DAOA: variants seen among roughly 807,000 people sequenced by gnomAD.
DAOA encodes the protein D-amino acid oxidase regulator.
A neutral mutation model predicts 16.4 loss-of-function variants in DAOA; 15 were observed. That is an observed-to-expected ratio of 0.91 (90% confidence interval 0.61 to 1.41). The LOEUF (loss-of-function observed/expected upper bound fraction) is 1.41, where lower values mean the gene tolerates loss of function less well. Ranked by LOEUF, DAOA falls within the 40% of genes most tolerant of loss-of-function variation. DAOA has a pLI of 0.00. For missense variants in DAOA, 230 were observed against 176.8 expected (o/e 1.30, Z -1.71); for synonymous variants, 75 against 59.1 (o/e 1.27, Z -1.23).
chr13:105,490,899 T>C lies in DAOA; in HGVS notation c.*112-13T>C, dbSNP rs1878473273. The C allele has an allele frequency of 6.6e-6, 1 of 152,142 alleles. No homozygotes were observed. The highest frequency in any genetic ancestry group is 2.1e-4 in the South Asian group (1 of 4,828). The allele number at this position is 152,142 out of a possible 1,614,324, so 9.4% of individuals were successfully genotyped here. A position where few individuals can be genotyped will look rare whatever the true frequency, so the allele number is the denominator to read the frequency against. ...AAAGTTTTCTTATTATTGTTTTGTT[T>C]CCTTGTTTTTAGGTGATGGGATTGT... On this transcript the variant is annotated splice_polypyrimidine_tract_variant and intron_variant, in intron 5 of 5. Coordinates refer to ENST00000375936, the MANE Select transcript of DAOA (RefSeq NM_172370.5).
At position 105,472,564 on chromosome 13, in the gene DAOA, A is replaced by T. The variant is rs1220856473; in HGVS notation, c.160A>T (p.Thr54Ser). The change falls in exon 4 of 6, where the codon ACG (threonine) becomes TCG (serine). Residue 54 changes from threonine (T) to serine (S), a missense_variant. By Grantham distance (58) the Thr-to-Ser change is moderately conservative (BLOSUM62 1). Coordinates refer to ENST00000375936, the MANE Select transcript of DAOA (RefSeq NM_172370.5). ...AAAGGAGACAGAAGAAGGAAGAGAG[A>T]CGGTAACAAGGAAAGAAGGATGGAA... is the stretch of plus-strand genomic sequence containing the variant. ...IAKETEEGRE[T>S]VTRKEGWKRR... 3 of 1,613,922 alleles carry T rather than the reference A, an allele frequency of 1.9e-6. No individual in the cohort carries two copies. The African/African-American group carries it at 4.0e-5, about 22-fold the overall frequency.
At chr13:105,468,805 T>G (rs968598872) in intron 3 of DAOA, among the ~76,000 whole-genome samples, 1 of 152,318 alleles carries the variant, frequency 6.6e-6, no homozygotes, top group East Asian at 1.9e-4. Flanking sequence ...CCTTCAGAGA[T>G]TTGTCTCTGG....
intron 3 of DAOA, among the ~76,000 whole-genome samples, chr13:105,468,928 T>C (rs1193374693): frequency 6.6e-6 from 1 of 152,204 alleles, no homozygotes; most frequent in Non-Finnish European, 1.5e-5. Flanking sequence ...GCTAGTCTTG[T>C]TAGCTGTAAA....
intron 4 of DAOA, among the ~76,000 whole-genome samples, chr13:105,482,512 T>G (rs1015690335): frequency 2.6e-5 from 4 of 151,338 alleles, no homozygotes; most frequent in Non-Finnish European, 5.9e-5. Flanking sequence ...GTAAGTTTTT[T>G]TTTTTTTTTT....
chr13:105,489,330 C>A lies in DAOA; in HGVS notation c.282-571C>A, dbSNP rs1878346785. ...TGACCCTGCAAAAGATACTTAACCC[C>A]AGTGTTTCAGTTTCCTCACCTGAAA... On this transcript the variant is annotated intron_variant, in intron 4 of 5. Coordinates refer to ENST00000375936, the MANE Select transcript of DAOA (RefSeq NM_172370.5). Among the ~76,000 whole-genome samples, 3 of 152,134 alleles carry A rather than the reference C, an allele frequency of 2.0e-5. No individual in the cohort carries two copies. The South Asian group carries it at 6.2e-4, about 32-fold the overall frequency.
chr13:105,480,294 TG>T (rs1390232814), intron 4 of DAOA, among the ~76,000 whole-genome samples: 1 of 152,128 alleles, frequency 6.6e-6, no homozygotes, highest in Non-Finnish European at 1.5e-5. Flanking sequence ...TGAAATGAGC[TG>T]TGTGAACTAG....
At chr13:105,471,190 G>T (rs928901902) in intron 3 of DAOA, among the ~76,000 whole-genome samples, 16 of 152,298 alleles carry the variant, frequency 1.1e-4, no homozygotes, top group African/African-American at 3.9e-4. Flanking sequence ...CTCCCAAAGT[G>T]CTGGGATTAT....
At chr13:105,470,172 C>G (rs185048094) in intron 3 of DAOA, among the ~76,000 whole-genome samples, 4 of 148,702 alleles carry the variant, frequency 2.7e-5, no homozygotes, top group Admixed American at 1.3e-4. Flanking sequence ...ATATATCTAA[C>G]CAGAATAAAC....
At chr13:105,484,388 G>C (rs192686056) in intron 4 of DAOA, among the ~76,000 whole-genome samples, 38 of 152,062 alleles carry the variant, frequency 2.5e-4, no homozygotes, top group Middle Eastern at 3.4e-3. Flanking sequence ...GGGATTACAG[G>C]GAAGCTATAG....
At chr13:105,488,194 C>A (rs889624187) in intron 4 of DAOA, among the ~76,000 whole-genome samples, 1 of 152,168 alleles carries the variant, frequency 6.6e-6, no homozygotes, top group African/African-American at 2.4e-5. Flanking sequence ...CCTCCAACCC[C>A]CAACCTGCCT....
At chr13:105,475,167 TA>T (rs1244440673) in intron 4 of DAOA, 15 of 388,882 alleles carry the variant, frequency 3.9e-5, no homozygotes, top group Non-Finnish European at 5.3e-5. Flanking sequence ...CCTTCATTCT[TA>T]AACCACACTC....
chr13:105,489,955 G>T lies in DAOA; in HGVS notation c.336G>T (p.Glu112Asp). ...AAGTCTTCATGGCAAGAAACTATGA[G>T]TTCCTTGCCTATGAGGCCTCTAAGG... ...VGKVFMARNYEFLAYEASKDR... is the reference protein window; with the variant it reads ...VGKVFMARNYDFLAYEASKDR... The change falls in exon 5 of 6, where the codon GAG (glutamate) becomes GAT (aspartate). Residue 112 changes from glutamate (E) to aspartate (D), a missense_variant. Transcript: ENST00000375936. The T allele has an allele frequency of 1.2e-6, 2 of 1,613,758 alleles. No individual in the cohort carries two copies. The highest frequency in any genetic ancestry group is 1.7e-6 in the Non-Finnish European group (2 of 1,179,868).
chr13:105,483,303 T>A (rs1404510587), intron 4 of DAOA, among the ~76,000 whole-genome samples: 1 of 152,220 alleles, frequency 6.6e-6, no homozygotes, highest in African/African-American at 2.4e-5. Context: ...TAAGTAAAGA[T>A]GTGATAATTT....
chr13:105,467,143 T>C lies in DAOA; in HGVS notation c.133+2T>C. The C allele has an allele frequency of 6.2e-7, 1 of 1,602,426 alleles. No individual in the cohort carries two copies. Among genetic ancestry groups the C allele is most frequent in the Non-Finnish European group, 8.5e-7 (1 of 1,173,702 alleles). ...CTGAAAACTCTCTAAACTCTATTGG[T>C]ATGTTACTCTTTATCTTTATATGAA... On this transcript the variant is annotated splice_donor_variant, in intron 3 of 5. Transcript: ENST00000375936. LOFTEE classifies it high-confidence loss of function.
At chr13:105,473,536 T>C (rs924384747) in intron 4 of DAOA, among the ~76,000 whole-genome samples, 3 of 152,168 alleles carry the variant, frequency 2.0e-5, no homozygotes, top group African/African-American at 7.2e-5. Flanking sequence ...TTTCATGTTT[T>C]ATCTGAGGCT....
chr13:105,486,544 A>G (rs1468161263), intron 4 of DAOA, among the ~76,000 whole-genome samples: 3 of 152,024 alleles, frequency 2.0e-5, no homozygotes, highest in African/African-American at 7.2e-5. Context: ...ACGTAGTACA[A>G]AATATTCTTT....
At chr13:105,483,698 T>G (rs1402651600) in intron 4 of DAOA, among the ~76,000 whole-genome samples, 1 of 152,130 alleles carries the variant, frequency 6.6e-6, no homozygotes, top group Non-Finnish European at 1.5e-5. Flanking sequence ...TTTTTTCTCT[T>G]ATTGAACATT....
chr13:105,467,866 G>A (rs1876644685), intron 3 of DAOA: 1 of 150,918 alleles, frequency 6.6e-6, no homozygotes, highest in Admixed American at 6.6e-5. Context: ...TAACAAATAA[G>A]CACAAATTTA....
At chr13:105,471,137 C>A (rs1028119284) in intron 3 of DAOA, among the ~76,000 whole-genome samples, 2 of 151,984 alleles carry the variant, frequency 1.3e-5, no homozygotes, top group African/African-American at 2.4e-5. Context: ...GTTGGCCAGG[C>A]TGGTCTCCAA....
Sources: allele counts gnomAD v4.1 joint callset (sites outside exome capture counted in the v4.1 genomes callset), GRCh38; gene constraint gnomAD v4.1.1; transcripts MANE v1.5; gene names NCBI Gene and HGNC (gene_info 2026-07-23, HGNC 2026-07-21).